The following THEMIS variants were observed in gnomAD, a reference collection of about 807,000 sequenced individuals.
THEMIS encodes thymocyte selection associated.
Under a neutral mutation model 52.6 loss-of-function variants are expected in THEMIS, and 37 were observed. The observed-to-expected ratio is 0.70, with a 90% CI of 0.54 to 0.93. THEMIS has a LOEUF of 0.93. Ranked by LOEUF, THEMIS falls within the 40% of genes least tolerant of loss-of-function variation. The pLI is 0.00. For missense variants in THEMIS, 808 were observed against 763.1 expected, an observed-to-expected ratio of 1.06 and a Z score of -0.69; for synonymous variants, 292 against 272.7, an observed-to-expected ratio of 1.07 and a Z score of -0.70.
chr6:127,781,327 G>C lies in THEMIS; in HGVS notation c.1758+31556C>G, dbSNP rs62425519. Reference sequence around the variant, plus strand: ...TCAAGGTTCTTAGCTTCCTTGCATGGGGTTAAAACATGCTCCTTTAGCTTG... The same window carrying C: ...TCAAGGTTCTTAGCTTCCTTGCATGCGGTTAAAACATGCTCCTTTAGCTTG... On this transcript the variant is annotated intron_variant, in intron 4 of 5. Coordinates refer to ENST00000368248, the MANE Select transcript of THEMIS (RefSeq NM_001010923.3). Among the ~76,000 whole-genome samples the C allele has an allele frequency of 2.8e-3, 430 of 151,710 alleles. 2 individuals are homozygous for C. Among genetic ancestry groups the C allele is most frequent in the Non-Finnish European group, 5.4e-3 (364 of 67,922 alleles).
chr6:127,915,251 TG>T (rs1350756206), intron 1 of THEMIS, among the ~76,000 whole-genome samples: 1 of 152,054 alleles, frequency 6.6e-6, no homozygotes, highest in Non-Finnish European at 1.5e-5. Flanking sequence ...ATCATTTTGT[TG>T]TTGTTTGTTT....
chr6:127,837,779 T>G (rs1440236940), intron 2 of THEMIS, among the ~76,000 whole-genome samples: 1 of 152,108 alleles, frequency 6.6e-6, no homozygotes, highest in African/African-American at 2.4e-5. Flanking sequence ...TTTTAAACAA[T>G]GTCGAAACTC....
At chr6:127,784,568 C>T (rs906041682) in intron 4 of THEMIS, among the ~76,000 whole-genome samples, 4 of 152,204 alleles carry the variant, frequency 2.6e-5, no homozygotes, top group Admixed American at 2.6e-4. Context: ...GATTCATACA[C>T]GACACAAAGC....
At chr6:127,821,844 G>A (rs1157611302) in intron 3 of THEMIS, among the ~76,000 whole-genome samples, 2 of 151,954 alleles carry the variant, frequency 1.3e-5, no homozygotes, top group East Asian at 3.9e-4. Flanking sequence ...AACTCACTAA[G>A]TGAGAACCAA....
At chr6:127,856,474 T>TTA (rs1408013428) in intron 1 of THEMIS, among the ~76,000 whole-genome samples, 2 of 151,908 alleles carry the variant, frequency 1.3e-5, no homozygotes, top group African/African-American at 4.8e-5. Flanking sequence ...TCCATAGGCA[T>TTA]CCCATTAGCC....
the THEMIS span, among the ~76,000 whole-genome samples, chr6:127,702,966 A>G: frequency 6.7e-6 from 1 of 150,158 alleles, no homozygotes; most frequent in Admixed American, 6.6e-5. Flanking sequence ...ACACAGCCAA[A>G]CCATATTTAT....
intron 3 of THEMIS, among the ~76,000 whole-genome samples, chr6:127,824,192 A>G (rs960242623): frequency 3.9e-5 from 6 of 152,158 alleles, no homozygotes; most frequent in Non-Finnish European, 7.4e-5. Flanking sequence ...GAAACAGTAT[A>G]TACAGGATCT....
intron 3 of THEMIS, among the ~76,000 whole-genome samples, chr6:127,814,433 A>G (rs1463142372): frequency 6.6e-6 from 1 of 152,212 alleles, no homozygotes; most frequent in East Asian, 1.9e-4. Context: ...GACAGTTTTG[A>G]CCCAAAACAA....
intron 1 of THEMIS, among the ~76,000 whole-genome samples, chr6:127,893,659 G>A (rs1780877757): frequency 6.6e-6 from 1 of 152,050 alleles, no homozygotes; most frequent in Non-Finnish European, 1.5e-5. Flanking sequence ...TATCACTGTG[G>A]TTGTCAACGG....
intron 4 of THEMIS, among the ~76,000 whole-genome samples, chr6:127,735,401 A>C (rs1000188616): frequency 5.9e-5 from 9 of 152,146 alleles, no homozygotes; most frequent in African/African-American, 1.9e-4. Context: ...GCTTTCCTGA[A>C]CTTCATACTA....
chr6:127,864,697 T>C (rs1281272738), intron 1 of THEMIS, among the ~76,000 whole-genome samples: 5 of 152,090 alleles, frequency 3.3e-5, no homozygotes, highest in Admixed American at 2.6e-4. Flanking sequence ...ACAAGATCAG[T>C]GTCTCAGCCT....
chr6:127,723,222 C>T (rs996583715), intron 4 of THEMIS, among the ~76,000 whole-genome samples: 3 of 151,990 alleles, frequency 2.0e-5, no homozygotes, highest in African/African-American at 7.2e-5. Flanking sequence ...CCTTTATTCT[C>T]TGTCCAGCAT....
At chr6:127,848,841 G>A (rs1013304384) in intron 2 of THEMIS, among the ~76,000 whole-genome samples, 1 of 152,060 alleles carries the variant, frequency 6.6e-6, no homozygotes, top group African/African-American at 2.4e-5. Context: ...TGTCAGATGA[G>A]TAGATTGCAA....
At chr6:127,915,755 G>A (rs1781511298) in intron 1 of THEMIS, among the ~76,000 whole-genome samples, 1 of 152,162 alleles carries the variant, frequency 6.6e-6, no homozygotes, top group Non-Finnish European at 1.5e-5. Context: ...GGGAGGCCAA[G>A]GTGGGTGGAT....
At chr6:127,775,769 T>C (rs1021476508) in intron 4 of THEMIS, among the ~76,000 whole-genome samples, 4 of 152,230 alleles carry the variant, frequency 2.6e-5, no homozygotes, top group Admixed American at 2.6e-4. Flanking sequence ...TGGCTAAGCA[T>C]AATGCTTTTG....
At chr6:127,872,916 A>T (rs1001051973) in intron 1 of THEMIS, among the ~76,000 whole-genome samples, 5 of 152,188 alleles carry the variant, frequency 3.3e-5, no homozygotes, top group Non-Finnish European at 7.3e-5. Flanking sequence ...ACAAAACAAA[A>T]CACTATTAGA....
At chr6:127,834,452 T>C (rs2114675617) in intron 2 of THEMIS, among the ~76,000 whole-genome samples, 1 of 146,594 alleles carries the variant, frequency 6.8e-6, no homozygotes, top group East Asian at 2.0e-4. Context: ...GGCGTGGTGG[T>C]GCGTGCCTGT....
chr6:127,754,251 G>C (rs1416965853), intron 4 of THEMIS, among the ~76,000 whole-genome samples: 1 of 152,158 alleles, frequency 6.6e-6, no homozygotes, highest in African/African-American at 2.4e-5. Flanking sequence ...TCTCAACCAT[G>C]TGTCTAGGTT....
intron 1 of THEMIS, among the ~76,000 whole-genome samples, chr6:127,879,404 T>A (rs181163320): frequency 4.6e-5 from 7 of 152,268 alleles, no homozygotes; most frequent in Middle Eastern, 6.8e-3. Flanking sequence ...GAGTGTCAGC[T>A]GGATAAATGA....
Sources: gnomAD v4.1 joint callset for allele counts (sites outside exome capture counted in the v4.1 genomes callset) on GRCh38, gnomAD v4.1.1 for gene constraint, MANE v1.5 for transcripts, NCBI Gene and HGNC (gene_info 2026-07-23, HGNC 2026-07-21) for gene names.